Variants in EP400 observed in about 807,000 individuals in gnomAD.
EP400 encodes the protein E1A-binding protein p400.
A neutral mutation model predicts 354.1 loss-of-function variants in EP400; 105 were observed. The ratio of observed to expected loss-of-function variants is 0.30; its 90% CI spans 0.25 to 0.35. EP400 has a LOEUF of 0.35. EP400 is among the 10% of genes least tolerant of loss of function. EP400 has a pLI of 1.00. For synonymous variants in EP400, 1,646 were observed against 1,716.9 expected (o/e 0.96, Z 1.02); for missense variants, 3,280 against 4,121.0 (o/e 0.80, Z 5.59).
In EP400 at chr12:132,006,712, G is replaced by C; in HGVS notation, c.3139G>C (p.Ala1047Pro). The C allele has an allele frequency of 1.3e-6, 2 of 1,595,374 alleles. No individual in the cohort carries two copies. Among genetic ancestry groups the C allele is most frequent in the South Asian group, 2.3e-5 (2 of 87,500 alleles). Residue 1047 changes from alanine to proline, a missense_variant, in exon 15 of 53, where the codon GCT (alanine) becomes CCT (proline). Physicochemically the swap from Ala to Pro is conservative, Grantham distance 27 (BLOSUM62 -1). This residue lies in a region of EP400 where 800 missense variants were observed against 840.0 expected (regional missense o/e 0.95). Coordinates refer to ENST00000389561, the MANE Select transcript of EP400 (RefSeq NM_015409.5). The stretch of plus-strand genomic sequence containing the variant: ...TTCATCACTGCAGGTCAAGTTTAAT[G>C]CTCCATCTTTGTTGTATGGGGCTCT... ...ARVTTSVKFN[A>P]PSLLYGALRD...
chr12:132,074,240 G>A (rs1193415094), intron 51 of EP400, among the ~76,000 whole-genome samples: 1 of 152,172 alleles, frequency 6.6e-6, no homozygotes, highest in African/African-American at 2.4e-5. Context: ...TGTTTTCTGA[G>A]TGCATTCACG....
chr12:131,952,449 A>G (rs1891544950), intron 1 of EP400, among the ~76,000 whole-genome samples: 1 of 151,492 alleles, frequency 6.6e-6, no homozygotes, highest in Non-Finnish European at 1.5e-5. Context: ...GCCCGGCCCC[A>G]ATAGCTTGTT....
intron 39 of EP400, among the ~76,000 whole-genome samples, chr12:132,049,752 T>A (rs896746455): frequency 8.5e-5 from 13 of 152,168 alleles, no homozygotes; most frequent in Admixed American, 8.5e-4. Flanking sequence ...GCTTTAAAAT[T>A]CTGCAGGATT....
chr12:131,969,892 C>CA (rs757777905), intron 2 of EP400, among the ~76,000 whole-genome samples: 42 of 152,060 alleles, frequency 2.8e-4, no homozygotes, highest in African/African-American at 9.4e-4. Context: ...CTAAAAAACA[C>CA]AAAAAAATGA....
rs1211128095 is a variant in EP400 at position 132,053,505 on chromosome 12, C to T, written c.7636C>T (p.Pro2546Ser). 7 of 1,539,380 alleles carry T rather than the reference C, an allele frequency of 4.5e-6. No individual in the cohort carries two copies. Among genetic ancestry groups the T allele is most frequent in the Non-Finnish European group, 6.1e-6 (7 of 1,149,120 alleles). ...AGGGCCACCAGCTGTCCAGCCCCAA[C>T]CCCAGCCACAGCCCCAGACCCAGCC... Reference protein sequence around the residue: ...PAGPPAVQPQPQPQPQTQPQP... With the variant: ...PAGPPAVQPQSQPQPQTQPQP... Residue 2546 changes from proline to serine, a missense_variant, in exon 43 of 53, where the codon CCC becomes TCC. By Grantham distance (74) the Pro-to-Ser change is moderately conservative. Coordinates refer to ENST00000389561, the MANE Select transcript of EP400 (RefSeq NM_015409.5).
chr12:131,983,913 T>A (rs994807900), intron 5 of EP400, among the ~76,000 whole-genome samples: 14 of 152,204 alleles, frequency 9.2e-5, no homozygotes, highest in Non-Finnish European at 1.2e-4. Flanking sequence ...TTTCTTTTTT[T>A]TTTTTTAGAC....
chr12:132,077,148 G>A (rs1270220959), intron 52 of EP400, among the ~76,000 whole-genome samples: 1 of 152,226 alleles, frequency 6.6e-6, no homozygotes, highest in Non-Finnish European at 1.5e-5. Context: ...AACAAAATCA[G>A]TCCCTGACCC....
rs748489085 is a variant in EP400 at position 132,029,930 on chromosome 12, G to C, written c.5584+27G>C. 1.9e-6 allele frequency: 3 copies of C among 1,611,254 alleles called. No homozygotes were observed. Among genetic ancestry groups the C allele is most frequent in the Admixed American group, 1.7e-5 (1 of 60,024 alleles). ...TATGCGGCAGTTGGGGGCGTGGCCC[G>C]TGCGGGAGCTGCACCGGCCCTGGAT... On this transcript the variant is annotated intron_variant, in intron 28 of 52. Transcript: ENST00000389561. The surrounding 1 kb of genome is among the most constrained non-coding windows in gnomAD (Gnocchi z 4.7).
In EP400 at chr12:132,038,703, G is replaced by T. The variant is rs191707892; in HGVS notation, c.6207+607G>T. ...GTCCTTTGATTTTTCCCTTTTGGGG[G>T]TGCTGCTGTGTAGACATGTCACAGA... On this transcript the variant is annotated intron_variant, in intron 32 of 52. Transcript: ENST00000389561. The surrounding 1 kb of genome is among the most constrained non-coding windows in gnomAD (Gnocchi z 4.2). Among the ~76,000 whole-genome samples, 18 of 152,328 alleles carry T rather than the reference G, an allele frequency of 1.2e-4. No homozygotes were observed. In the East Asian group the frequency reaches 3.3e-3, roughly 28 times the overall value.
In EP400 at chr12:132,013,924, G is replaced by T. The variant is rs748986425; in HGVS notation, c.3923+11G>T. ...TATCCTGCAACCTGGGTGAGTGTGG[G>T]CTCTGGGCATGTGCCCCCTTTGCTG... On this transcript the variant is annotated intron_variant, in intron 19 of 52. Transcript: ENST00000389561. The surrounding 1 kb of genome is among the most constrained non-coding windows in gnomAD (Gnocchi z 4.5). 3.1e-6 allele frequency: 5 copies of T among 1,613,482 alleles called. No individual in the cohort carries two copies. The highest frequency in any genetic ancestry group is 2.2e-5 in the South Asian group (2 of 90,934).
intron 51 of EP400, among the ~76,000 whole-genome samples, chr12:132,074,455 T>G (rs532817187): frequency 3.4e-4 from 52 of 152,232 alleles, no homozygotes; most frequent in Admixed American, 6.5e-4. Context: ...TTGTTCTGGG[T>G]CACCTCTCTC....
rs1892894907 is a variant in EP400, at chr12:131,987,604, C to T, written c.2224-101C>T. ...GCTTTCTCTCTTTCTTAGTGCCTGA[C>T]TGAGCCTTTTGCATAGTAGGGCTTC... On this transcript the variant is annotated intron_variant, in intron 6 of 52. Transcript: ENST00000389561. 2.0e-5 allele frequency: 20 copies of T among 997,918 alleles called. No homozygotes were observed. The East Asian group carries it at 4.9e-4, about 24-fold the overall frequency. 61.8% of individuals were successfully genotyped at this position (997,918 alleles called of 1,614,324 possible). A position where few individuals can be genotyped will look rare whatever the true frequency, so the allele number is the denominator to read the frequency against.
rs1200461117 is a variant in EP400, at chr12:132,018,894, CT to C, written c.4277+520del. 6.6e-6 allele frequency among the ~76,000 whole-genome samples: 1 copy of C among 152,124 alleles called. No homozygotes were observed. The highest frequency in any genetic ancestry group is 1.5e-5 in the Non-Finnish European group (1 of 68,026). On this transcript the variant is annotated intron_variant, in intron 21 of 52. Coordinates refer to ENST00000389561, the MANE Select transcript of EP400 (RefSeq NM_015409.5). The surrounding 1 kb of genome is among the most constrained non-coding windows in gnomAD (Gnocchi z 4.0). ...AATTGGAAATATCCAAAATCCTATGCTTGGGTTAAAAAGAAAGGAAAGGAAA... is the reference window on the plus strand; with the variant it reads ...AATTGGAAATATCCAAAATCCTATGCTGGGTTAAAAAGAAAGGAAAGGAAA...
intron 19 of EP400, among the ~76,000 whole-genome samples, chr12:132,015,509 G>A (rs1024829001): frequency 2.0e-5 from 3 of 152,224 alleles, no homozygotes; most frequent in Non-Finnish European, 4.4e-5. Flanking sequence ...TACAGAGACC[G>A]TCTTAGGGAG....
rs1896039038 is a variant in EP400, at chr12:132,070,637, T to C, written c.9021+996T>C. On this transcript the variant is annotated intron_variant, in intron 51 of 52. Transcript: ENST00000389561. This position sits in a 1 kb window ranked among gnomAD's most constrained non-coding sequence, Gnocchi z 4.1. Reference sequence around the variant, plus strand: ...CTGAAAGTTTTTATTAGAATTGCATTGATTCTGTAGCTGTTCAGGGGAGAG... The same window carrying C: ...CTGAAAGTTTTTATTAGAATTGCATCGATTCTGTAGCTGTTCAGGGGAGAG... Among the ~76,000 whole-genome samples the C allele has an allele frequency of 6.6e-6, 1 of 152,264 alleles. No homozygotes were observed.
intron 2 of EP400, among the ~76,000 whole-genome samples, chr12:131,966,630 G>A (rs959712448): frequency 1.3e-5 from 2 of 148,528 alleles, no homozygotes; most frequent in African/African-American, 2.5e-5. Flanking sequence ...TAGGCCGGGC[G>A]TGGTAGCTCA....
chr12:131,974,987 C>CAA (rs764013155), intron 2 of EP400, among the ~76,000 whole-genome samples: 4,932 of 42,178 alleles, frequency 0.12, 437 homozygotes, highest in African/African-American at 0.22. Flanking sequence ...GACTCCATCT[C>CAA]AAAAAAAAAA....
chr12:131,991,073 G>C (rs143955401), intron 9 of EP400, among the ~76,000 whole-genome samples: 2 of 152,120 alleles, frequency 1.3e-5, no homozygotes, highest in African/African-American at 4.8e-5. Context: ...GCCTCCGCTC[G>C]TTATGTGCCA....
At chr12:132,069,717 T>C in intron 51 of EP400, 76 bp downstream of exon 51, 1 of 1,577,230 alleles carries the variant, frequency 6.3e-7, no homozygotes, top group Non-Finnish European at 8.6e-7. Context: ...CTCGCGGGCT[T>C]TGCGAGCTCC....
Sources: allele counts gnomAD v4.1 joint callset (sites outside exome capture counted in the v4.1 genomes callset), GRCh38; gene constraint gnomAD v4.1.1; regional missense constraint gnomAD v4.1.1; non-coding constraint Gnocchi (gnomAD v3.1); transcripts MANE v1.5; gene names NCBI Gene and HGNC (gene_info 2026-07-23, HGNC 2026-07-21).